Variants in TCAIM observed in about 807,000 individuals in gnomAD.
The protein encoded by TCAIM is T-cell activation inhibitor, mitochondrial.
In TCAIM, 36 loss-of-function variants were observed where a neutral mutation model predicts 58.6. That is an observed-to-expected ratio of 0.61 (90% CI 0.47 to 0.81). TCAIM has a LOEUF of 0.81. Among genes scored for constraint, TCAIM ranks in the 30% least tolerant of loss-of-function variants. TCAIM has a pLI of 0.00. For missense variants in TCAIM, 466 were observed against 579.6 expected (o/e 0.80, Z 2.01); for synonymous variants, 172 against 193.6 (o/e 0.89, Z 0.93).
At chr3:44,358,141 G>A in intron 3 of TCAIM, 2 of 1,499,892 alleles carry the variant, frequency 1.3e-6, no homozygotes, top group Non-Finnish European at 1.8e-6. Flanking sequence ...AATTTTTGAA[G>A]TACAGTTGAG....
At chr3:44,348,801 G>A (rs1034105487) in intron 1 of TCAIM, among the ~76,000 whole-genome samples, 1 of 152,198 alleles carries the variant, frequency 6.6e-6, no homozygotes, top group Non-Finnish European at 1.5e-5. Flanking sequence ...GCTGCTAAAC[G>A]AGCCATGAAC....
At chr3:44,382,385 TA>T (rs1701668158) in intron 5 of TCAIM, among the ~76,000 whole-genome samples, 1 of 152,058 alleles carries the variant, frequency 6.6e-6, no homozygotes, top group African/African-American at 2.4e-5. Context: ...CCAATCTCTA[TA>T]AAAAGAGAAA....
upstream of TCAIM, chr3:44,338,523 G>T (rs565380069): frequency 6.5e-6 from 1 of 152,740 alleles, no homozygotes; most frequent in South Asian, 2.1e-4. Context: ...GGCTTGCCTC[G>T]AGCGCCCTGC....
At chr3:44,393,346 A>G (rs1281911954) in intron 6 of TCAIM, among the ~76,000 whole-genome samples, 1 of 151,950 alleles carries the variant, frequency 6.6e-6, no homozygotes, top group African/African-American at 2.4e-5. Context: ...CTGTAGTCTC[A>G]GCTACTTGGA....
In TCAIM at chr3:44,338,778, T is replaced by G. The variant is rs1700784665; in HGVS notation, c.-101T>G. 2 of 152,264 alleles carry G rather than the reference T, an allele frequency of 1.3e-5. No individual in the cohort carries two copies. Among genetic ancestry groups the G allele is most frequent in the South Asian group, 4.1e-4 (2 of 4,830 alleles). The allele number at this position is 152,264 out of a possible 1,614,324, so 9.4% of individuals were successfully genotyped here. On this transcript the variant is annotated 5_prime_UTR_variant, in exon 1 of 11. Transcript: ENST00000342649. ...GCGACTGTCCTCCCTTCTGGTGTAC[T>G]GGGTGGGAGGTGGAACTAGTCGGAC...
chr3:44,349,185 A>G (rs1359365297), intron 1 of TCAIM, among the ~76,000 whole-genome samples: 1 of 152,152 alleles, frequency 6.6e-6, no homozygotes, highest in East Asian at 1.9e-4. Context: ...GAGAGAAAGA[A>G]GAAAGATTTG....
intron 8 of TCAIM, among the ~76,000 whole-genome samples, chr3:44,397,491 T>C (rs1701953269): frequency 6.6e-6 from 1 of 152,256 alleles, no homozygotes. Context: ...TACTGCGTAC[T>C]ATTTCATGGT....
intron 5 of TCAIM, among the ~76,000 whole-genome samples, chr3:44,381,735 G>A (rs1197702740): frequency 6.6e-6 from 1 of 152,116 alleles, no homozygotes; most frequent in African/African-American, 2.4e-5. Context: ...AGAAAACTCT[G>A]CAGATTCCAC....
At chr3:44,361,263 A>G in intron 3 of TCAIM, 102 bp from the exon 4 acceptor site, 1 of 1,009,762 alleles carries the variant, frequency 9.9e-7, no homozygotes, top group South Asian at 2.8e-5. Flanking sequence ...TAAATACTAA[A>G]TTATTTAATA....
intron 5 of TCAIM, among the ~76,000 whole-genome samples, chr3:44,376,846 T>C (rs1055020623): frequency 1.6e-4 from 24 of 152,218 alleles, no homozygotes; most frequent in African/African-American, 5.5e-4. Context: ...CCCAGCACTT[T>C]GGGAGACTAA....
intron 10 of TCAIM, among the ~76,000 whole-genome samples, chr3:44,403,217 C>T (rs1488617323): frequency 6.6e-6 from 1 of 152,056 alleles, no homozygotes; most frequent in Non-Finnish European, 1.5e-5. Context: ...TGCAGTGAGC[C>T]GAGATCATGC....
chr3:44,396,831 A>T lies in TCAIM; in HGVS notation c.882A>T (p.Thr294=). ...CAATGGATGTCCATCACCACTGGACAAAAGTAAGAAAGAGCCTTAAAATTA... is the reference window on the plus strand; with the variant it reads ...CAATGGATGTCCATCACCACTGGACTAAAGTAAGAAAGAGCCTTAAAATTA... The part of the protein sequence containing the change: ...LGTMDVHHHW[T]KLFERLPSYF... Residue 294 remains threonine (T), a synonymous_variant, in exon 8 of 11, where the codon ACA becomes ACT. Transcript: ENST00000342649. 1 of 1,612,324 alleles carries T rather than the reference A, an allele frequency of 6.2e-7. No individual in the cohort carries two copies. The highest frequency in any genetic ancestry group is 1.3e-5 in the African/African-American group (1 of 75,002).
At chr3:44,343,262 A>G (rs1700892896) in intron 1 of TCAIM, among the ~76,000 whole-genome samples, 1 of 152,192 alleles carries the variant, frequency 6.6e-6, no homozygotes, top group Non-Finnish European at 1.5e-5. Flanking sequence ...ACAGTCACTG[A>G]AGATGTCAAG....
chr3:44,353,939 A>G (rs570416099), intron 1 of TCAIM, among the ~76,000 whole-genome samples: 1 of 152,314 alleles, frequency 6.6e-6, no homozygotes, highest in African/African-American at 2.4e-5. Flanking sequence ...ACTGAAGTCC[A>G]GCTTACCAGT....
At chr3:44,345,470 C>T (rs1700947408) in intron 1 of TCAIM, among the ~76,000 whole-genome samples, 1 of 152,102 alleles carries the variant, frequency 6.6e-6, no homozygotes. Context: ...TTTATGTTGT[C>T]ATATACCAGG....
At position 44,357,866 on chromosome 3, in the gene TCAIM, C is replaced by T; in HGVS notation, c.155C>T (p.Pro52Leu). The change falls in exon 3 of 11, where the codon CCC becomes CTC. Residue 52 changes from proline to leucine, a missense_variant. Pro to Leu is a moderately conservative substitution (Grantham distance 98). Coordinates refer to ENST00000342649, the MANE Select transcript of TCAIM (RefSeq NM_173826.4). Reference protein sequence around the residue: ...AVHPDFFGQHPVEREINENSL... With the variant: ...AVHPDFFGQHLVEREINENSL... ...CATCCAGATTTCTTTGGACAGCACC[C>T]CGTAGAAAGGGTAAACATTTATTTA... is the stretch of plus-strand genomic sequence containing the variant. 1.2e-6 allele frequency: 2 copies of T among 1,613,704 alleles called. No individual in the cohort carries two copies. Among genetic ancestry groups the T allele is most frequent in the Non-Finnish European group, 1.7e-6 (2 of 1,179,898 alleles).
At chr3:44,342,906 G>A (rs1299896231) in intron 1 of TCAIM, among the ~76,000 whole-genome samples, 1 of 152,042 alleles carries the variant, frequency 6.6e-6, no homozygotes, top group Non-Finnish European at 1.5e-5. Context: ...GGAGGCCGAG[G>A]AAGGAGGATC....
chr3:44,380,133 A>T (rs1701632379), intron 5 of TCAIM, among the ~76,000 whole-genome samples: 1 of 152,140 alleles, frequency 6.6e-6, no homozygotes, highest in Non-Finnish European at 1.5e-5. Context: ...GGAGGGGAAA[A>T]TTTTCAGGGG....
intron 1 of TCAIM, among the ~76,000 whole-genome samples, chr3:44,352,148 C>G (rs1224818276): frequency 6.6e-6 from 1 of 150,670 alleles, no homozygotes; most frequent in Non-Finnish European, 1.5e-5. Flanking sequence ...CAGAATAGGA[C>G]TTTAGCCATG....
Sources: allele counts gnomAD v4.1 joint callset (sites outside exome capture counted in the v4.1 genomes callset), GRCh38; gene constraint gnomAD v4.1.1; transcripts MANE v1.5; gene names NCBI Gene and HGNC (gene_info 2026-07-23, HGNC 2026-07-21).